ADGRL3: variants seen among roughly 807,000 people sequenced by gnomAD.
ADGRL3 encodes calcium-independent alpha-latrotoxin receptor 3.
Under a neutral mutation model 153.5 loss-of-function variants are expected in ADGRL3, and 62 were observed. That is an observed-to-expected ratio of 0.40 (90% CI 0.33 to 0.50). ADGRL3 has a LOEUF of 0.50. Among genes scored for constraint, ADGRL3 ranks in the 20% least tolerant of loss-of-function variants. ADGRL3 has a pLI of 0.47. For missense variants in ADGRL3, 1,641 were observed against 1,859.4 expected (o/e 0.88, Z 2.16); for synonymous variants, 710 against 672.5 (o/e 1.06, Z -0.86).
intron 1 of ADGRL3, among the ~76,000 whole-genome samples, chr4:61,305,068 A>G (rs986314109): frequency 6.6e-6 from 1 of 152,200 alleles, no homozygotes; most frequent in Non-Finnish European, 1.5e-5. Context: ...TCAAAATCAA[A>G]CATCTCATGT....
At chr4:61,341,003 AAACT>A (rs1181986855) in intron 1 of ADGRL3, among the ~76,000 whole-genome samples, 3 of 152,050 alleles carry the variant, frequency 2.0e-5, no homozygotes, top group Non-Finnish European at 4.4e-5. Flanking sequence ...AAATTTAAAT[AAACT>A]AAGAGAATGT....
chr4:61,850,589 T>C (rs547464989), intron 9 of ADGRL3, among the ~76,000 whole-genome samples: 1 of 152,318 alleles, frequency 6.6e-6, no homozygotes, highest in Non-Finnish European at 1.5e-5. Flanking sequence ...GAAAATGGTA[T>C]TGTTTATGAC....
At chr4:61,760,393 C>T (rs950929207) in intron 8 of ADGRL3, among the ~76,000 whole-genome samples, 1 of 152,122 alleles carries the variant, frequency 6.6e-6, no homozygotes, top group Non-Finnish European at 1.5e-5. Flanking sequence ...GCTGCCTTGC[C>T]GTTTGATCTC....
At chr4:61,775,759 A>G in intron 8 of ADGRL3, 1 of 857,652 alleles carries the variant, frequency 1.2e-6, no homozygotes, top group Non-Finnish European at 2.0e-6. Context: ...TCCACGTGCT[A>G]GGCAATCGTG....
At chr4:61,510,000 G>C (rs1289813215) in intron 3 of ADGRL3, among the ~76,000 whole-genome samples, 1 of 152,098 alleles carries the variant, frequency 6.6e-6, no homozygotes, top group East Asian at 1.9e-4. Flanking sequence ...GTTTTGATTT[G>C]CATTTCTCTG....
chr4:61,833,082 T>A (rs1396853484), intron 9 of ADGRL3, among the ~76,000 whole-genome samples: 1 of 151,952 alleles, frequency 6.6e-6, no homozygotes, highest in Non-Finnish European at 1.5e-5. Flanking sequence ...AAGAAAAAAG[T>A]GTTTATTTGT....
chr4:61,475,887 C>T (rs1253942173), intron 2 of ADGRL3, among the ~76,000 whole-genome samples: 1 of 151,856 alleles, frequency 6.6e-6, no homozygotes, highest in Non-Finnish European at 1.5e-5. Context: ...TAAAGATAGC[C>T]TTTAGTTTCA....
intron 21 of ADGRL3, among the ~76,000 whole-genome samples, chr4:62,007,408 A>ATGTGTG (rs1490973517): frequency 8.6e-6 from 1 of 116,940 alleles, no homozygotes; most frequent in African/African-American, 3.1e-5. Context: ...ATATATATAC[A>ATGTGTG]CGTATATATA....
chr4:61,825,470 A>T (rs1314666615), intron 9 of ADGRL3, among the ~76,000 whole-genome samples: 1 of 152,194 alleles, frequency 6.6e-6, no homozygotes, highest in Non-Finnish European at 1.5e-5. Flanking sequence ...AAAGTTCTCA[A>T]CAGAGTTTTC....
intron 6 of ADGRL3, among the ~76,000 whole-genome samples, chr4:61,685,581 G>A (rs2095427617): frequency 6.6e-6 from 1 of 152,082 alleles, no homozygotes; most frequent in Non-Finnish European, 1.5e-5. Flanking sequence ...TTTCAAGGCA[G>A]AGAGGACAGC....
At chr4:61,445,127 G>C (rs1484518837) in intron 2 of ADGRL3, among the ~76,000 whole-genome samples, 1 of 152,064 alleles carries the variant, frequency 6.6e-6, no homozygotes, top group African/African-American at 2.4e-5. Context: ...CATTATTTCA[G>C]ATACTCTCTA....
chr4:62,071,714 CTTCCT>C lies in ADGRL3; in HGVS notation c.*810_*814del. The C allele has an allele frequency of 2.4e-6, 1 of 419,396 alleles. No homozygotes were observed. The highest frequency in any genetic ancestry group is 4.7e-6 in the Non-Finnish European group (1 of 213,344). 26.0% of individuals were successfully genotyped at this position (419,396 alleles called of 1,614,324 possible). On this transcript the variant is annotated 3_prime_UTR_variant, in exon 27 of 27. Coordinates refer to ENST00000683033, the MANE Select transcript of ADGRL3 (RefSeq NM_001387552.1). ...TCTACCAGTAAGAGAGCAAAGTTTC[CTTCCT>C]TTCTTCTCTTTCTTCATTTTCTTTT...
chr4:61,255,654 G>C (rs1222959354), intron 1 of ADGRL3, among the ~76,000 whole-genome samples: 2 of 152,120 alleles, frequency 1.3e-5, no homozygotes, highest in Admixed American at 1.3e-4. Flanking sequence ...ATTTTACAGA[G>C]GGGAAGCCAA....
chr4:61,778,701 G>C (rs1337089092), intron 8 of ADGRL3, among the ~76,000 whole-genome samples: 1 of 152,060 alleles, frequency 6.6e-6, no homozygotes, highest in Non-Finnish European at 1.5e-5. Flanking sequence ...GCCTAATATT[G>C]AGTGAATCCT....
intron 17 of ADGRL3, among the ~76,000 whole-genome samples, chr4:61,950,402 T>G (rs2098942511): frequency 6.6e-6 from 1 of 152,148 alleles, no homozygotes; most frequent in Non-Finnish European, 1.5e-5. Flanking sequence ...ATTAATGTAT[T>G]AGCCAGAAAA....
At chr4:61,277,144 A>G (rs1248565988) in intron 1 of ADGRL3, among the ~76,000 whole-genome samples, 1 of 152,150 alleles carries the variant, frequency 6.6e-6, no homozygotes, top group East Asian at 1.9e-4. Flanking sequence ...TACTAGGGCC[A>G]GGCATCTAAG....
At chr4:61,836,515 A>T (rs965927556) in intron 9 of ADGRL3, among the ~76,000 whole-genome samples, 4 of 152,064 alleles carry the variant, frequency 2.6e-5, no homozygotes, top group Non-Finnish European at 5.9e-5. Flanking sequence ...AATTTTACCC[A>T]TGAAAGTTGA....
At chr4:61,405,726 C>A (rs9994169) in intron 2 of ADGRL3, among the ~76,000 whole-genome samples, 42,548 of 151,768 alleles carry the variant, frequency 0.28, 6,165 homozygotes, top group Middle Eastern at 0.37. Flanking sequence ...TTGCCAAATT[C>A]TTATGTTGAG....
chr4:61,390,194 G>A (rs2096785933), intron 2 of ADGRL3, among the ~76,000 whole-genome samples: 1 of 152,032 alleles, frequency 6.6e-6, no homozygotes, highest in African/African-American at 2.4e-5. Context: ...TACAAAGTGA[G>A]TGCATACTCA....
Sources: gnomAD v4.1 joint callset for allele counts (sites outside exome capture counted in the v4.1 genomes callset) on GRCh38, gnomAD v4.1.1 for gene constraint, MANE v1.5 for transcripts, NCBI Gene and HGNC (gene_info 2026-07-23, HGNC 2026-07-21) for gene names.